Variants in DRC11 observed in about 807,000 individuals in gnomAD.
DRC11 encodes IQ and AAA domain-containing protein 1.
At chr2:236,454,125 G>T in the DRC11 span, among the ~76,000 whole-genome samples, 2 of 152,088 alleles carry the variant, frequency 1.3e-5, no homozygotes, top group Non-Finnish European at 2.9e-5. The surrounding 1 kb of genome is among the most constrained non-coding windows in gnomAD (Gnocchi z 5.3). Flanking sequence ...CACAATAGAG[G>T]GTATGCTGGA....
the DRC11 span, among the ~76,000 whole-genome samples, chr2:236,384,888 G>T: frequency 1.3e-5 from 2 of 151,770 alleles, no homozygotes; most frequent in African/African-American, 2.4e-5. Context: ...TGGCTAGCCA[G>T]TTTTCCCAGC....
At chr2:236,416,521 T>C in the DRC11 span, among the ~76,000 whole-genome samples, 1 of 151,382 alleles carries the variant, frequency 6.6e-6, no homozygotes, top group East Asian at 2.0e-4. Context: ...TCTTCTTTTG[T>C]TCATTCAGTG....
the DRC11 span, among the ~76,000 whole-genome samples, chr2:236,437,169 C>T: frequency 2.1e-5 from 3 of 143,816 alleles, no homozygotes; most frequent in East Asian, 4.2e-4. Context: ...TCAATTCCCA[C>T]CTATGAGTGA....
chr2:236,475,667 C>T, the DRC11 span, among the ~76,000 whole-genome samples: 4 of 152,110 alleles, frequency 2.6e-5, no homozygotes, highest in Admixed American at 1.3e-4. This position sits in a 1 kb window ranked among gnomAD's most constrained non-coding sequence, Gnocchi z 4.8. Context: ...AGTGCACAAG[C>T]GTTCCTTTTT....
chr2:236,384,628 G>A, the DRC11 span, among the ~76,000 whole-genome samples: 1 of 152,076 alleles, frequency 6.6e-6, no homozygotes, highest in Non-Finnish European at 1.5e-5. Context: ...CACTCTGATG[G>A]TAGTGTCTTT....
the DRC11 span, among the ~76,000 whole-genome samples, chr2:236,435,314 G>C: frequency 4.5e-4 from 68 of 152,344 alleles, no homozygotes; most frequent in African/African-American, 1.5e-3. Flanking sequence ...TCCATGGCAG[G>C]GGTCAGCAAA....
the DRC11 span, chr2:236,338,415 T>C: frequency 3.8e-6 from 6 of 1,564,554 alleles, no homozygotes; most frequent in African/African-American, 4.2e-5. Flanking sequence ...GGTCCACATA[T>C]AGAAAAAAAG....
chr2:236,413,605 CAG>C, the DRC11 span, among the ~76,000 whole-genome samples: 6 of 152,166 alleles, frequency 3.9e-5, no homozygotes, highest in Admixed American at 3.3e-4. This position sits in a 1 kb window ranked among gnomAD's most constrained non-coding sequence, Gnocchi z 4.0. Flanking sequence ...GAGCTGTGGT[CAG>C]AGTTAGGTCT....
chr2:236,409,615 G>A, the DRC11 span, among the ~76,000 whole-genome samples: 69 of 152,144 alleles, frequency 4.5e-4, no homozygotes, highest in African/African-American at 1.4e-3. Context: ...TCTCCTGCCT[G>A]ATTGCCCTGG....
At chr2:236,408,275 CCA>C in the DRC11 span, 2 of 856,616 alleles carry the variant, frequency 2.3e-6, no homozygotes, top group African/African-American at 3.3e-5. The surrounding 1 kb of genome is among the most constrained non-coding windows in gnomAD (Gnocchi z 5.5). Context: ...CCAGCACGTG[CCA>C]CAGAGAAGGC....
the DRC11 span, chr2:236,408,682 T>C: frequency 8.3e-6 from 6 of 721,554 alleles, no homozygotes; most frequent in South Asian, 5.6e-5. The surrounding 1 kb of genome is among the most constrained non-coding windows in gnomAD (Gnocchi z 5.5). Context: ...CAGTAATTGG[T>C]AAAGGCCTCC....
the DRC11 span, among the ~76,000 whole-genome samples, chr2:236,431,137 T>C: frequency 3.9e-5 from 6 of 152,238 alleles, no homozygotes; most frequent in Non-Finnish European, 5.9e-5. The surrounding 1 kb of genome is among the most constrained non-coding windows in gnomAD (Gnocchi z 4.2). Flanking sequence ...AAATCAGTTT[T>C]AGAACATTTC....
chr2:236,485,232 T>C, the DRC11 span, among the ~76,000 whole-genome samples: 700 of 152,056 alleles, frequency 4.6e-3, 6 homozygotes, highest in African/African-American at 0.016. Flanking sequence ...TGACTACATA[T>C]ATATATGTCA....
the DRC11 span, among the ~76,000 whole-genome samples, chr2:236,329,707 T>C: frequency 2.0e-5 from 3 of 152,330 alleles, no homozygotes; most frequent in African/African-American, 7.2e-5. Flanking sequence ...AAACATCTAC[T>C]TGGGGCCAGG....
At chr2:236,329,869 G>C in the DRC11 span, among the ~76,000 whole-genome samples, 2 of 152,028 alleles carry the variant, frequency 1.3e-5, no homozygotes, top group Admixed American at 1.3e-4. Flanking sequence ...TCTCATCCCG[G>C]GTCATAAAAG....
At chr2:236,475,131 C>T in the DRC11 span, among the ~76,000 whole-genome samples, 28,610 of 152,062 alleles carry the variant, frequency 0.19, 2,997 homozygotes, top group Middle Eastern at 0.27. The surrounding 1 kb of genome is among the most constrained non-coding windows in gnomAD (Gnocchi z 4.8). Flanking sequence ...TTTCCCCTCA[C>T]CCACCTGCCC....
At chr2:236,342,847 A>C in the DRC11 span, among the ~76,000 whole-genome samples, 1 of 152,166 alleles carries the variant, frequency 6.6e-6, no homozygotes, top group Non-Finnish European at 1.5e-5. The surrounding 1 kb of genome is among the most constrained non-coding windows in gnomAD (Gnocchi z 5.8). Context: ...GCAGTCCCCT[A>C]GGACTTATCC....
chr2:236,452,839 T>A, the DRC11 span, among the ~76,000 whole-genome samples: 1 of 152,294 alleles, frequency 6.6e-6, no homozygotes, highest in African/African-American at 2.4e-5. The surrounding 1 kb of genome is among the most constrained non-coding windows in gnomAD (Gnocchi z 4.7). Context: ...CCCATCCAAC[T>A]TCCTTTTTTA....
the DRC11 span, among the ~76,000 whole-genome samples, chr2:236,449,414 A>G: frequency 3.3e-5 from 5 of 152,058 alleles, no homozygotes; most frequent in Non-Finnish European, 7.4e-5. The surrounding 1 kb of genome is among the most constrained non-coding windows in gnomAD (Gnocchi z 5.1). Context: ...GCAATACTTT[A>G]TTTTGTCCAC....
Sources: allele counts gnomAD v4.1 joint callset (sites outside exome capture counted in the v4.1 genomes callset), GRCh38; gene constraint gnomAD v4.1.1; non-coding constraint Gnocchi (gnomAD v3.1); transcripts MANE v1.5; gene names NCBI Gene and HGNC (gene_info 2026-07-23, HGNC 2026-07-21).